GLG1: variants seen among roughly 807,000 people sequenced by gnomAD.
GLG1 encodes the protein Golgi apparatus protein 1.
Under a neutral mutation model 160.5 loss-of-function variants are expected in GLG1, and 38 were observed. The observed-to-expected ratio is 0.24, with a 90% confidence interval of 0.18 to 0.31. The LOEUF (loss-of-function observed/expected upper bound fraction) is 0.31, where lower values mean the gene tolerates loss of function less well. Among genes scored for constraint, GLG1 ranks in the 10% least tolerant of loss-of-function variants. GLG1 has a pLI of 1.00. For missense variants in GLG1, 1,373 were observed against 1,505.2 expected, an observed-to-expected ratio of 0.91 and a Z score of 1.45; for synonymous variants, 644 against 543.4, an observed-to-expected ratio of 1.19 and a Z score of -2.57.
At position 74,480,375 on chromosome 16, in the gene GLG1, G is replaced by C. The variant is rs748301851; in HGVS notation, c.1693C>G (p.Arg565Gly). The C allele has an allele frequency of 3.7e-6, 6 of 1,612,990 alleles. No individual in the cohort carries two copies. The highest frequency in any genetic ancestry group is 3.3e-5 in the Admixed American group (2 of 59,936). The change falls in exon 11 of 26, where the codon CGC (arginine) becomes GGC (glycine). Residue 565 changes from arginine (R) to glycine (G), a missense_variant. This residue lies in a region of GLG1 where 386 missense variants were observed against 388.5 expected (regional missense o/e 0.99). Coordinates refer to ENST00000422840, the MANE Select transcript of GLG1 (RefSeq NM_001145667.2). ...CGAGAAGCGTCTCCCTGGCACTTGC[G>C]GTACAGGACAGGGTCCAGCCTATAA... Reference protein sequence around the residue: ...RDWKLDPVLYRKCQGDASRLC... With the variant: ...RDWKLDPVLYGKCQGDASRLC...
chr16:74,594,337 T>C (rs1196776717), intron 1 of GLG1, among the ~76,000 whole-genome samples: 1 of 152,236 alleles, frequency 6.6e-6, no homozygotes, highest in Non-Finnish European at 1.5e-5. Flanking sequence ...TTATAGGTGT[T>C]ATTCAAGCCT....
Position 74,483,113 on chromosome 16 carries a change from C to CATTATACATTTT in GLG1, c.1582_1583insAAAATGTATAAT (p.Ser527_Cys528insTer). 6.3e-7 allele frequency: 1 copy of CATTATACATTTT among 1,594,440 alleles called. No homozygotes were observed. Among genetic ancestry groups the CATTATACATTTT allele is most frequent in the Non-Finnish European group, 8.6e-7 (1 of 1,162,278 alleles). On this transcript the variant is annotated stop_gained, in exon 10 of 26. Transcript: ENST00000422840. LOFTEE classifies it high-confidence loss of function. Reference sequence around the variant, plus strand: ...CTCTGTGTATAAATGTTCCATCAGGCACGACAAGATCCTAGCCATTAAATG... The same window carrying CATTATACATTTT: ...CTCTGTGTATAAATGTTCCATCAGGCATTATACATTTTACGACAAGATCCTAGCCATTAAATG...
intron 24 of GLG1, among the ~76,000 whole-genome samples, chr16:74,457,160 C>T (rs759513290): frequency 1.1e-4 from 17 of 152,194 alleles, no homozygotes; most frequent in Middle Eastern, 3.4e-3. Flanking sequence ...TTTGGGAGGC[C>T]GAGGTGGGTG....
At chr16:74,589,482 A>G (rs572111944) in intron 1 of GLG1, among the ~76,000 whole-genome samples, 1 of 152,286 alleles carries the variant, frequency 6.6e-6, no homozygotes, top group Non-Finnish European at 1.5e-5. Flanking sequence ...AACCACTGAT[A>G]TAAAATATTT....
At chr16:74,466,682 A>T (rs1314276876) in intron 18 of GLG1, among the ~76,000 whole-genome samples, 1 of 152,240 alleles carries the variant, frequency 6.6e-6, no homozygotes, top group Non-Finnish European at 1.5e-5. Flanking sequence ...ACAACAGTAA[A>T]TAAGAATCAA....
intron 25 of GLG1, among the ~76,000 whole-genome samples, chr16:74,456,221 G>A (rs954862158): frequency 6.6e-6 from 1 of 152,208 alleles, no homozygotes; most frequent in Non-Finnish European, 1.5e-5. Context: ...AACAGTGGGC[G>A]AAATGAGAAA....
intron 7 of GLG1, among the ~76,000 whole-genome samples, chr16:74,492,412 G>T (rs2016031469): frequency 6.6e-6 from 1 of 151,554 alleles, no homozygotes; most frequent in Non-Finnish European, 1.5e-5. Context: ...GCTGGGCACA[G>T]TGGCTCACGC....
chr16:74,515,063 T>C (rs11865585), intron 2 of GLG1, among the ~76,000 whole-genome samples: 2,029 of 151,952 alleles, frequency 0.013, 31 homozygotes, highest in African/African-American at 0.046. Context: ...CATTACATAA[T>C]GGTAAAGGGA....
intron 1 of GLG1, among the ~76,000 whole-genome samples, chr16:74,560,178 C>T (rs1439973701): frequency 2.0e-5 from 3 of 152,136 alleles, no homozygotes; most frequent in Admixed American, 6.6e-5. Flanking sequence ...ACTAGCAAAG[C>T]AGACTGTCCT....
intron 1 of GLG1, among the ~76,000 whole-genome samples, chr16:74,594,701 G>A (rs1287221462): frequency 1.3e-5 from 2 of 152,050 alleles, no homozygotes; most frequent in Non-Finnish European, 1.5e-5. Context: ...TTAGGCATTC[G>A]GAAGATGAAA....
chr16:74,542,861 T>C (rs980277860), intron 1 of GLG1, among the ~76,000 whole-genome samples: 1 of 151,934 alleles, frequency 6.6e-6, no homozygotes, highest in Non-Finnish European at 1.5e-5. Flanking sequence ...CATTAATGTT[T>C]ACAACCAGTA....
At chr16:74,597,075 T>C (rs1958322647) in intron 1 of GLG1, among the ~76,000 whole-genome samples, 1 of 151,746 alleles carries the variant, frequency 6.6e-6, no homozygotes, top group African/African-American at 2.4e-5. Context: ...ATCATGATCA[T>C]GCCACTGCAC....
At chr16:74,483,454 G>T (rs2098754) in intron 9 of GLG1, among the ~76,000 whole-genome samples, 36,714 of 151,944 alleles carry the variant, frequency 0.24, 4,737 homozygotes, top group Middle Eastern at 0.35. Context: ...ATCAATCTGT[G>T]GCCAAGTCTG....
intron 1 of GLG1, among the ~76,000 whole-genome samples, chr16:74,593,605 T>C (rs1271904259): frequency 1.3e-5 from 2 of 151,752 alleles, no homozygotes; most frequent in East Asian, 2.0e-4. Flanking sequence ...TGGCTAATTT[T>C]TGTATTTTTA....
At chr16:74,499,108 T>A (rs1006043701) in intron 4 of GLG1, among the ~76,000 whole-genome samples, 2 of 152,072 alleles carry the variant, frequency 1.3e-5, no homozygotes, top group Non-Finnish European at 2.9e-5. Flanking sequence ...CTCAGAGGAG[T>A]TAACTAACTC....
intron 1 of GLG1, among the ~76,000 whole-genome samples, chr16:74,592,427 C>T (rs890676573): frequency 1.3e-5 from 2 of 152,066 alleles, no homozygotes; most frequent in East Asian, 1.9e-4. Flanking sequence ...CCACTGCACC[C>T]GGACTGTTTA....
At position 74,533,730 on chromosome 16, in the gene GLG1, G is replaced by C. The variant is rs146801133; in HGVS notation, c.439-1577C>G. Among the ~76,000 whole-genome samples the C allele has an allele frequency of 3.0e-3, 450 of 152,264 alleles. 2 individuals are homozygous for C. Among genetic ancestry groups the C allele is most frequent in the Middle Eastern group, 0.017 (5 of 294 alleles). ...TAGGAAACAGAGATTGCAGTGATCT[G>C]AGATTGTGTCATTGCACTCCAGCCT... On this transcript the variant is annotated intron_variant, in intron 1 of 25. Transcript: ENST00000422840.
intron 23 of GLG1, chr16:74,458,257 T>C: frequency 2.7e-6 from 1 of 367,196 alleles, no homozygotes; most frequent in Non-Finnish European, 5.0e-6. Flanking sequence ...TTTGTGTTTT[T>C]GGCATTCCCG....
intron 1 of GLG1, among the ~76,000 whole-genome samples, chr16:74,597,332 G>A (rs1487864799): frequency 6.6e-6 from 1 of 151,244 alleles, no homozygotes; most frequent in East Asian, 1.9e-4. Context: ...TCAGGAGGCT[G>A]AGGCAGGAGA....
Sources: allele counts gnomAD v4.1 joint callset (sites outside exome capture counted in the v4.1 genomes callset), GRCh38; gene constraint gnomAD v4.1.1; regional missense constraint gnomAD v4.1.1; transcripts MANE v1.5; gene names NCBI Gene and HGNC (gene_info 2026-07-23, HGNC 2026-07-21).